DNER: variants seen among roughly 807,000 people sequenced by gnomAD.
DNER encodes the protein delta/notch like EGF repeat containing.
A neutral mutation model predicts 78.2 loss-of-function variants in DNER; 33 were observed. That is an observed-to-expected ratio of 0.42 (90% CI 0.32 to 0.56). The LOEUF (loss-of-function observed/expected upper bound fraction) is 0.56. DNER is among the 20% of genes least tolerant of loss of function. DNER has a pLI of 0.11. For missense variants in DNER, 918 were observed against 975.3 expected (o/e 0.94, Z 0.78); for synonymous variants, 417 against 384.8 (o/e 1.08, Z -0.98).
intron 8 of DNER, among the ~76,000 whole-genome samples, chr2:229,419,955 C>T (rs1459989364): frequency 1.3e-5 from 2 of 148,208 alleles, no homozygotes; most frequent in Non-Finnish European, 3.0e-5. Flanking sequence ...TGCTAAGCAT[C>T]CTACAGTTCT....
intron 8 of DNER, among the ~76,000 whole-genome samples, chr2:229,424,631 C>T (rs1693836513): frequency 6.6e-6 from 1 of 152,218 alleles, no homozygotes; most frequent in Non-Finnish European, 1.5e-5. Context: ...GACACCGGTG[C>T]TATTGTATTA....
At chr2:229,456,393 T>A (rs1694574041) in intron 7 of DNER, among the ~76,000 whole-genome samples, 1 of 151,408 alleles carries the variant, frequency 6.6e-6, no homozygotes, top group African/African-American at 2.4e-5. Flanking sequence ...CCACATCAGA[T>A]TTGAAGGGGA....
chr2:229,445,648 A>G (rs1253487864), intron 8 of DNER, among the ~76,000 whole-genome samples: 1 of 152,216 alleles, frequency 6.6e-6, no homozygotes, highest in Non-Finnish European at 1.5e-5. Context: ...CAAAGAAGAA[A>G]TAATTCAGCT....
At chr2:229,454,133 G>C (rs1003868300) in intron 7 of DNER, among the ~76,000 whole-genome samples, 1 of 152,144 alleles carries the variant, frequency 6.6e-6, no homozygotes, top group African/African-American at 2.4e-5. Flanking sequence ...ACCTCCATCA[G>C]TGTGGCCAGT....
intron 12 of DNER, among the ~76,000 whole-genome samples, chr2:229,359,299 T>C (rs1469103328): frequency 6.6e-6 from 1 of 152,174 alleles, no homozygotes; most frequent in Non-Finnish European, 1.5e-5. Context: ...CCCAACAGAT[T>C]TGTATGTATC....
At chr2:229,702,429 G>A (rs192333750) in intron 1 of DNER, among the ~76,000 whole-genome samples, 9 of 152,198 alleles carry the variant, frequency 5.9e-5, no homozygotes, top group Admixed American at 4.6e-4. Flanking sequence ...CCAGCTACTC[G>A]AGAGGCTGAG....
chr2:229,477,356 C>T, intron 6 of DNER, 103 bp from the exon 7 acceptor site: 2 of 682,530 alleles, frequency 2.9e-6, no homozygotes, highest in Non-Finnish European at 4.8e-6. Flanking sequence ...CCAGTGAAGG[C>T]AGTGGCAGCC....
At chr2:229,386,965 C>A (rs923225319) in intron 11 of DNER, among the ~76,000 whole-genome samples, 1 of 152,120 alleles carries the variant, frequency 6.6e-6, no homozygotes, top group Non-Finnish European at 1.5e-5. Flanking sequence ...ACCCAGCAAT[C>A]TCATTACTGG....
intron 4 of DNER, among the ~76,000 whole-genome samples, chr2:229,548,162 G>C (rs1441793294): frequency 1.3e-5 from 2 of 152,304 alleles, no homozygotes; most frequent in East Asian, 3.9e-4. Context: ...GGGGAAAAGA[G>C]AGAGAAAAGA....
intron 1 of DNER, among the ~76,000 whole-genome samples, chr2:229,638,924 T>A (rs1698569732): frequency 6.6e-6 from 1 of 152,210 alleles, no homozygotes; most frequent in African/African-American, 2.4e-5. Context: ...AGGCCAGGTC[T>A]CCAGGCTTCT....
chr2:229,578,381 C>A (rs1008191774), intron 4 of DNER, among the ~76,000 whole-genome samples: 3 of 152,088 alleles, frequency 2.0e-5, no homozygotes, highest in African/African-American at 7.2e-5. Context: ...CAGGATCTGG[C>A]CTTTTTATCT....
intron 1 of DNER, among the ~76,000 whole-genome samples, chr2:229,604,166 T>C (rs933646182): frequency 6.6e-6 from 1 of 152,202 alleles, no homozygotes; most frequent in Non-Finnish European, 1.5e-5. Flanking sequence ...TGAAAAGAAC[T>C]TTCCACTTTT....
intron 12 of DNER, among the ~76,000 whole-genome samples, chr2:229,362,770 G>A (rs775977404): frequency 6.6e-6 from 1 of 152,204 alleles, no homozygotes; most frequent in Non-Finnish European, 1.5e-5. Flanking sequence ...AGTAATATCA[G>A]TTAGCACGGA....
chr2:229,591,517 G>C lies in DNER; in HGVS notation c.585+63C>G, dbSNP rs528685737. On this transcript the variant is annotated intron_variant, in intron 2 of 12. Coordinates refer to ENST00000341772, the MANE Select transcript of DNER (RefSeq NM_139072.4). This position sits in a 1 kb window ranked among gnomAD's most constrained non-coding sequence, Gnocchi z 4.6. ...ATTTTTAATTGCTGATACTAGAACC[G>C]CTGGAGTCACTTTAAGATTTCTGGT... 14 of 1,523,028 alleles carry C rather than the reference G, an allele frequency of 9.2e-6. No homozygotes were observed. Among genetic ancestry groups the C allele is most frequent in the East Asian group, 4.6e-5 (2 of 43,840 alleles). 94.3% of individuals were successfully genotyped at this position (1,523,028 alleles called of 1,614,324 possible).
intron 1 of DNER, among the ~76,000 whole-genome samples, chr2:229,641,191 GT>G (rs1172301806): frequency 6.6e-6 from 1 of 152,190 alleles, no homozygotes; most frequent in Non-Finnish European, 1.5e-5. Context: ...GGATCACTTT[GT>G]CCAACACGCA....
At chr2:229,592,210 A>G (rs1415146502) in intron 1 of DNER, among the ~76,000 whole-genome samples, 1 of 152,206 alleles carries the variant, frequency 6.6e-6, no homozygotes, top group Admixed American at 6.5e-5. Context: ...GTTAAAACTC[A>G]TTAGGAAGAT....
At chr2:229,408,803 A>G (rs1419707481) in intron 9 of DNER, among the ~76,000 whole-genome samples, 1 of 152,230 alleles carries the variant, frequency 6.6e-6, no homozygotes, top group Non-Finnish European at 1.5e-5. Context: ...GGTAAAGCTC[A>G]AATTTTAGAA....
intron 7 of DNER, among the ~76,000 whole-genome samples, chr2:229,464,329 C>A (rs1694760501): frequency 6.6e-6 from 1 of 152,002 alleles, no homozygotes; most frequent in South Asian, 2.1e-4. Flanking sequence ...TAAGAAAATC[C>A]ATTTGAGAGA....
intron 1 of DNER, among the ~76,000 whole-genome samples, chr2:229,614,278 C>G (rs1381813491): frequency 2.0e-5 from 3 of 152,066 alleles, no homozygotes; most frequent in Non-Finnish European, 4.4e-5. Context: ...ATGGCACAGA[C>G]AAGCAAGTTA....
Sources: gnomAD v4.1 joint callset for allele counts (sites outside exome capture counted in the v4.1 genomes callset) on GRCh38, gnomAD v4.1.1 for gene constraint, Gnocchi (gnomAD v3.1) non-coding constraint, MANE v1.5 for transcripts, NCBI Gene and HGNC (gene_info 2026-07-23, HGNC 2026-07-21) for gene names.